CHFR: variants seen among roughly 807,000 people sequenced by gnomAD.
CHFR encodes the protein E3 ubiquitin-protein ligase CHFR.
CHFR carries 57 observed loss-of-function variants against 87.6 expected under a neutral mutation model. That is an observed-to-expected ratio of 0.65 (90% confidence interval 0.53 to 0.81). CHFR has a LOEUF of 0.81. CHFR is among the 30% of genes least tolerant of loss of function. The probability of loss-of-function intolerance (pLI) is 0.00; values close to 1 mark genes in which losing one functional copy is unlikely to be tolerated. For synonymous variants in CHFR, 381 were observed against 359.2 expected, an observed-to-expected ratio of 1.06 and a Z score of -0.69; for missense variants, 797 against 865.8, an observed-to-expected ratio of 0.92 and a Z score of 1.00.
chr12:132,859,691 G>C (rs910297915), intron 7 of CHFR, among the ~76,000 whole-genome samples: 1 of 152,018 alleles, frequency 6.6e-6, no homozygotes, highest in Non-Finnish European at 1.5e-5. Flanking sequence ...TCAGATGTTG[G>C]TAATCAATTA....
intron 10 of CHFR, 159 bp from the exon 11 acceptor site, chr12:132,853,732 T>C: frequency 1.3e-6 from 1 of 796,532 alleles, no homozygotes; most frequent in Non-Finnish European, 1.9e-6. Context: ...AGCACCCCAG[T>C]GTTAGAGAGG....
At chr12:132,872,977 G>A (rs1345137223) in intron 3 of CHFR, among the ~76,000 whole-genome samples, 1 of 152,214 alleles carries the variant, frequency 6.6e-6, no homozygotes, top group Non-Finnish European at 1.5e-5. Context: ...GGGACAGACA[G>A]GAGGAGGCTA....
intron 14 of CHFR, 63 bp from the exon 15 acceptor site, chr12:132,847,193 CGA>C: frequency 6.3e-7 from 1 of 1,599,524 alleles, no homozygotes; most frequent in Non-Finnish European, 8.5e-7. Context: ...ACTGAAATAA[CGA>C]GAGAAAACAT....
intron 14 of CHFR, 165 bp downstream of exon 14, chr12:132,847,920 G>A (rs1441997286): frequency 1.4e-6 from 2 of 1,469,652 alleles, no homozygotes; most frequent in Non-Finnish European, 9.0e-7. Context: ...CCAATGGCAT[G>A]CAGAGAACCA....
At chr12:132,845,817 G>A (rs564953807) in intron 15 of CHFR, among the ~76,000 whole-genome samples, 1 of 152,160 alleles carries the variant, frequency 6.6e-6, no homozygotes, top group Non-Finnish European at 1.5e-5. Flanking sequence ...CCTCTGGATA[G>A]ACAAGTGGTA....
chr12:132,856,711 G>A (rs752131350), intron 9 of CHFR, 81 bp from the exon 10 acceptor site: 121 of 1,466,926 alleles, frequency 8.2e-5, no homozygotes, highest in Non-Finnish European at 1.0e-4. Flanking sequence ...GGGAGCTCGC[G>A]TGCGCAGTGC....
intron 2 of CHFR, among the ~76,000 whole-genome samples, chr12:132,884,202 T>C (rs1951833371): frequency 6.6e-6 from 1 of 151,950 alleles, no homozygotes; most frequent in African/African-American, 2.4e-5. Flanking sequence ...GTGGATCACC[T>C]GAGGTCAGGA....
intron 2 of CHFR, among the ~76,000 whole-genome samples, chr12:132,880,474 T>C (rs572231313): frequency 2.0e-3 from 302 of 151,238 alleles, no homozygotes; most frequent in Non-Finnish European, 3.6e-3. Flanking sequence ...CTGGCTAACA[T>C]GGTGAAACCA....
At chr12:132,846,822 T>C (rs1039771699) in intron 15 of CHFR, among the ~76,000 whole-genome samples, 3 of 152,110 alleles carry the variant, frequency 2.0e-5, no homozygotes, top group Admixed American at 2.0e-4. Context: ...CGAGGGGGCC[T>C]TGAGCTGAGA....
Position 132,857,521 on chromosome 12 carries a change from T to C in CHFR, c.950A>G (p.Tyr317Cys), listed in dbSNP as rs368405665. ...GGACGAGCGCTCCATCCAGCCCGAG[T>C]AGCAAGCCGCGCAGAACGTGTGCAT... The part of the protein sequence containing the change: ...PCMHTFCAAC[Y>C]SGWMERSSLC... Residue 317 changes from tyrosine (Y) to cysteine (C), a missense_variant, in exon 9 of 18, where the codon TAC becomes TGC. Around this residue, in one of 2 missense-constraint regions of CHFR, gnomAD observed 597 missense variants for 601.2 expected, o/e 0.99. Coordinates refer to ENST00000450056, the MANE Select transcript of CHFR (RefSeq NM_001161346.2). The C allele has an allele frequency of 1.9e-6, 3 of 1,614,050 alleles. No homozygotes were observed. Among genetic ancestry groups the C allele is most frequent in the Admixed American group, 1.7e-5 (1 of 60,018 alleles).
intron 16 of CHFR, 82 bp from the exon 17 acceptor site, chr12:132,843,165 C>A (rs1248045262): frequency 3.2e-6 from 4 of 1,254,788 alleles, no homozygotes; most frequent in Non-Finnish European, 4.6e-6. Flanking sequence ...AGAGACCCAA[C>A]GACAGACGCT....
At chr12:132,864,585 T>A (rs1173996048) in intron 6 of CHFR, among the ~76,000 whole-genome samples, 2 of 152,044 alleles carry the variant, frequency 1.3e-5, no homozygotes, top group Non-Finnish European at 2.9e-5. Flanking sequence ...ACCTCCTGGG[T>A]TCAAGAGATT....
chr12:132,883,808 T>C (rs1392914287), intron 2 of CHFR, among the ~76,000 whole-genome samples: 3 of 152,082 alleles, frequency 2.0e-5, no homozygotes, highest in East Asian at 1.9e-4. Flanking sequence ...AGGCACATCA[T>C]TGCTTTAAAA....
intron 2 of CHFR, among the ~76,000 whole-genome samples, chr12:132,878,732 A>G (rs1412825915): frequency 6.7e-6 from 1 of 149,170 alleles, no homozygotes; most frequent in African/African-American, 2.5e-5. Flanking sequence ...AGGCAGGAGA[A>G]TGGCGAGAAC....
intron 3 of CHFR, among the ~76,000 whole-genome samples, chr12:132,873,918 CT>C (rs2137032427): frequency 6.6e-6 from 1 of 152,348 alleles, no homozygotes; most frequent in African/African-American, 2.4e-5. Flanking sequence ...CCCAAGCTCC[CT>C]TGTGTGACTT....
At chr12:132,852,776 A>G (rs959493113) in intron 11 of CHFR, among the ~76,000 whole-genome samples, 2 of 152,206 alleles carry the variant, frequency 1.3e-5, no homozygotes, top group African/African-American at 4.8e-5. Context: ...AATGCAGCAC[A>G]AGGATGTGGC....
At chr12:132,841,706 T>C in intron 17 of CHFR, 110 bp from the exon 18 acceptor site, 1 of 890,282 alleles carries the variant, frequency 1.1e-6, no homozygotes, top group East Asian at 2.4e-5. Context: ...TCGGAAACCA[T>C]ACACAGAAAG....
At chr12:132,856,268 C>T (rs1350149299) in intron 10 of CHFR, among the ~76,000 whole-genome samples, 200 bp downstream of exon 10, 1 of 152,244 alleles carries the variant, frequency 6.6e-6, no homozygotes, top group Non-Finnish European at 1.5e-5. Flanking sequence ...AGTGTTCACC[C>T]AGTCCCTGCC....
chr12:132,884,062 G>A (rs1951828806), intron 2 of CHFR, among the ~76,000 whole-genome samples: 1 of 152,226 alleles, frequency 6.6e-6, no homozygotes, highest in African/African-American at 2.4e-5. Context: ...GCAGGTTGTA[G>A]TGAGTGAAGA....
Sources: allele counts gnomAD v4.1 joint callset (sites outside exome capture counted in the v4.1 genomes callset), GRCh38; gene constraint gnomAD v4.1.1; regional missense constraint gnomAD v4.1.1; transcripts MANE v1.5; gene names NCBI Gene and HGNC (gene_info 2026-07-23, HGNC 2026-07-21).